The following GALNT17 variants were observed in gnomAD, a reference collection of about 807,000 sequenced individuals.
The protein encoded by GALNT17 is polypeptide N-acetylgalactosaminyltransferase 17, also known as UDP-GalNAc:polypeptide N-acetylgalactosaminyltransferase-like 3.
A neutral mutation model predicts 63.7 loss-of-function variants in GALNT17; 29 were observed. That is an observed-to-expected ratio of 0.46 (90% CI 0.34 to 0.62). GALNT17 has a LOEUF of 0.62. GALNT17 is among the 20% of genes least tolerant of loss of function. GALNT17 has a pLI of 0.01. For synonymous variants in GALNT17, 305 were observed against 318.3 expected, an observed-to-expected ratio of 0.96 and a Z score of 0.45; for missense variants, 603 against 799.6, an observed-to-expected ratio of 0.75 and a Z score of 2.97.
At chr7:71,412,466 G>A (rs1793447111) in intron 3 of GALNT17, among the ~76,000 whole-genome samples, 1 of 151,896 alleles carries the variant, frequency 6.6e-6, no homozygotes, top group African/African-American at 2.4e-5. Flanking sequence ...CGCCCCACCA[G>A]GATCATGCGA....
intron 5 of GALNT17, among the ~76,000 whole-genome samples, chr7:71,539,976 T>C (rs1178179907): frequency 6.6e-6 from 1 of 151,622 alleles, no homozygotes; most frequent in African/African-American, 2.4e-5. Flanking sequence ...TTTTTCTTTG[T>C]AGAGACAAGA....
At chr7:71,600,212 A>G (rs1046532995) in intron 6 of GALNT17, among the ~76,000 whole-genome samples, 4 of 150,656 alleles carry the variant, frequency 2.7e-5, no homozygotes, top group African/African-American at 9.8e-5. Flanking sequence ...GATCCATGGT[A>G]TTGAAATTTC....
chr7:71,587,784 A>C (rs1258907181), intron 6 of GALNT17, among the ~76,000 whole-genome samples: 1 of 152,202 alleles, frequency 6.6e-6, no homozygotes, highest in Non-Finnish European at 1.5e-5. Context: ...ACAAAGTATT[A>C]AAAAATGAAT....
intron 6 of GALNT17, among the ~76,000 whole-genome samples, chr7:71,572,727 A>G (rs1411892220): frequency 6.6e-6 from 1 of 152,102 alleles, no homozygotes; most frequent in Non-Finnish European, 1.5e-5. Context: ...AACTGTGGCC[A>G]CCATGCTGTA....
At chr7:71,371,317 A>G (rs182905550) in intron 2 of GALNT17, among the ~76,000 whole-genome samples, 1 of 152,336 alleles carries the variant, frequency 6.6e-6, no homozygotes, top group African/African-American at 2.4e-5. Context: ...AGTATAAAGA[A>G]GCAACAAAAA....
chr7:71,614,878 GGGAA>G (rs1348886601), intron 6 of GALNT17, among the ~76,000 whole-genome samples: 2 of 136,640 alleles, frequency 1.5e-5, no homozygotes, highest in South Asian at 2.6e-4. Flanking sequence ...GAAACAGGGA[GGGAA>G]GGGAGGGAGG....
intron 3 of GALNT17, among the ~76,000 whole-genome samples, chr7:71,404,961 C>T (rs559584266): frequency 1.7e-3 from 264 of 152,350 alleles, no homozygotes; most frequent in Middle Eastern, 3.4e-3. Context: ...AATCCTTTAT[C>T]TTCACTCTCT....
chr7:71,251,674 G>A (rs1006486254), intron 1 of GALNT17, among the ~76,000 whole-genome samples: 3 of 152,132 alleles, frequency 2.0e-5, no homozygotes, highest in African/African-American at 7.2e-5. Context: ...GGAGTGCTGA[G>A]ATTACAGGCA....
intron 5 of GALNT17, among the ~76,000 whole-genome samples, chr7:71,447,101 A>C (rs1233705635): frequency 6.6e-6 from 1 of 152,160 alleles, no homozygotes; most frequent in African/African-American, 2.4e-5. Flanking sequence ...GGTTTCCTAC[A>C]ATTCAATTCA....
chr7:71,526,031 C>T (rs560665320), intron 5 of GALNT17, among the ~76,000 whole-genome samples: 3 of 152,174 alleles, frequency 2.0e-5, no homozygotes, highest in South Asian at 2.1e-4. Context: ...CCAGCCACCA[C>T]GCCCGGCCTC....
chr7:71,204,358 AC>A (rs1279316463), intron 1 of GALNT17, among the ~76,000 whole-genome samples: 13 of 152,040 alleles, frequency 8.6e-5, no homozygotes, highest in Non-Finnish European at 1.8e-4. Context: ...TTTTGTTTGC[AC>A]GAGATTGTTT....
chr7:71,314,564 G>A (rs1352306639), intron 1 of GALNT17, among the ~76,000 whole-genome samples: 2 of 152,088 alleles, frequency 1.3e-5, no homozygotes, highest in African/African-American at 2.4e-5. Context: ...GAGCCCTTCC[G>A]ATATTTTTGC....
intron 1 of GALNT17, among the ~76,000 whole-genome samples, chr7:71,157,003 C>A (rs778016167): frequency 1.1e-4 from 17 of 151,674 alleles, no homozygotes; most frequent in Non-Finnish European, 2.4e-4. Flanking sequence ...GTTGCCCAGG[C>A]TGGAGTGCCC....
intron 1 of GALNT17, among the ~76,000 whole-genome samples, chr7:71,224,791 C>T (rs577345819): frequency 6.6e-6 from 1 of 152,188 alleles, no homozygotes; most frequent in South Asian, 2.1e-4. Context: ...AGGTGGAGCC[C>T]AGCCTGGGAG....
intron 1 of GALNT17, among the ~76,000 whole-genome samples, chr7:71,167,045 CTTTT>C (rs35735311): frequency 1.8e-4 from 21 of 115,462 alleles, no homozygotes; most frequent in African/African-American, 3.8e-4. Flanking sequence ...TGGCTAAGTA[CTTTT>C]TTTTTTTTTT....
intron 5 of GALNT17, among the ~76,000 whole-genome samples, chr7:71,497,202 C>G (rs549392319): frequency 3.3e-5 from 5 of 152,320 alleles, no homozygotes; most frequent in African/African-American, 1.2e-4. Context: ...TTTGTATCTG[C>G]AATGAGCTGA....
At chr7:71,615,733 C>T (rs916952782) in intron 6 of GALNT17, among the ~76,000 whole-genome samples, 21 of 152,172 alleles carry the variant, frequency 1.4e-4, no homozygotes, top group African/African-American at 5.1e-4. Flanking sequence ...CCACCTCGGC[C>T]TCCCAAAGTG....
chr7:71,212,344 C>G (rs1164647433), intron 1 of GALNT17, among the ~76,000 whole-genome samples: 2 of 152,206 alleles, frequency 1.3e-5, no homozygotes, highest in Admixed American at 1.3e-4. Flanking sequence ...GGAACCCCCA[C>G]CTAGATTTTA....
intron 5 of GALNT17, among the ~76,000 whole-genome samples, chr7:71,459,508 G>C (rs1054379132): frequency 7.9e-5 from 12 of 152,184 alleles, no homozygotes; most frequent in Admixed American, 6.5e-4. Flanking sequence ...TAAGAGACCT[G>C]GGGAGTCATG....
Sources: gnomAD v4.1 joint callset for allele counts (sites outside exome capture counted in the v4.1 genomes callset) on GRCh38, gnomAD v4.1.1 for gene constraint, MANE v1.5 for transcripts, NCBI Gene and HGNC (gene_info 2026-07-23, HGNC 2026-07-21) for gene names.